The following FCN2 variants were observed in gnomAD, a reference collection of about 807,000 sequenced individuals.
FCN2 encodes the protein ficolin 2, also known as ficolin-2.
FCN2 carries 31 observed loss-of-function variants against 32.5 expected under a neutral mutation model. That is an observed-to-expected ratio of 0.96 (90% confidence interval 0.72 to 1.29). The LOEUF (loss-of-function observed/expected upper bound fraction) is 1.29, where lower values mean the gene tolerates loss of function less well. Ranked by LOEUF, FCN2 falls within the 50% of genes most tolerant of loss-of-function variation. FCN2 has a pLI of 0.00. For missense variants in FCN2, 412 were observed against 406.5 expected (o/e 1.01, Z -0.12); for synonymous variants, 181 against 164.5 (o/e 1.10, Z -0.77).
Position 134,887,475 on chromosome 9 carries a change from G to C in FCN2, c.*60G>C, listed in dbSNP as rs1344220080. 1.3e-6 allele frequency: 2 copies of C among 1,544,606 alleles called. No homozygotes were observed. Among genetic ancestry groups the C allele is most frequent in the African/African-American group, 1.4e-5 (1 of 73,314 alleles). The stretch of plus-strand genomic sequence containing the variant: ...CATAGTTGGTTGGGGGGTAGGGTTG[G>C]GAGCTTGGCCCTACGGTTTGTAAAA... On this transcript the variant is annotated 3_prime_UTR_variant, in exon 8 of 8. Coordinates refer to ENST00000291744, the MANE Select transcript of FCN2 (RefSeq NM_004108.3).
intron 1 of FCN2, 62 bp downstream of exon 1, chr9:134,880,983 G>A: frequency 8.0e-7 from 1 of 1,249,270 alleles, no homozygotes; most frequent in Non-Finnish European, 1.2e-6. Flanking sequence ...GCAGCTTCGT[G>A]ATTGGTGGCT....
Position 134,887,305 on chromosome 9 carries a change from C to T in FCN2, c.832C>T (p.Arg278Cys), listed in dbSNP as rs149454776. The T allele has an allele frequency of 2.5e-5, 40 of 1,614,134 alleles. No individual in the cohort carries two copies. Among genetic ancestry groups the T allele is most frequent in the Non-Finnish European group, 3.1e-5 (36 of 1,180,020 alleles). Reference sequence around the variant, plus strand: ...CTGCCATGTGTCAAACCTGAATGGTCGCTACCTCAGGGGGACTCATGGCAG... The same window carrying T: ...CTGCCATGTGTCAAACCTGAATGGTTGCTACCTCAGGGGGACTCATGGCAG... ...KNCHVSNLNGRYLRGTHGSFA... is the reference protein window; with the variant it reads ...KNCHVSNLNGCYLRGTHGSFA... The change falls in exon 8 of 8, where the codon CGC (arginine) becomes TGC (cysteine). Residue 278 changes from arginine (R) to cysteine (C), a missense_variant. Coordinates refer to ENST00000291744, the MANE Select transcript of FCN2 (RefSeq NM_004108.3).
chr9:134,877,999 T>G (rs982553500), upstream of FCN2, among the ~76,000 whole-genome samples: 1 of 152,102 alleles, frequency 6.6e-6, no homozygotes, highest in African/African-American at 2.4e-5. Context: ...TCATCAGCTG[T>G]CAGTGAATAA....
chr9:134,871,306 G>A, the FCN2 span, among the ~76,000 whole-genome samples: 1 of 152,206 alleles, frequency 6.6e-6, no homozygotes, highest in Non-Finnish European at 1.5e-5. Context: ...TCTGGGATCT[G>A]TGACTGCATC....
At chr9:134,878,038 A>C (rs867704530), upstream of FCN2, among the ~76,000 whole-genome samples, 2 of 152,186 alleles carry the variant, frequency 1.3e-5, no homozygotes, top group African/African-American at 4.8e-5. Context: ...TGAAAAAGCG[A>C]GATGGGCCTA....
chr9:134,885,719 G>C, intron 5 of FCN2, 49 bp from the exon 6 acceptor site: 1 of 1,613,190 alleles, frequency 6.2e-7, no homozygotes, highest in Non-Finnish European at 8.5e-7. Flanking sequence ...CCCGTGCTGT[G>C]GGACGTCGGC....
At chr9:134,873,857 T>G in the FCN2 span, among the ~76,000 whole-genome samples, 3 of 151,202 alleles carry the variant, frequency 2.0e-5, no homozygotes, top group Non-Finnish European at 4.4e-5. Flanking sequence ...GTCTTTTAAA[T>G]GGCAGAACTT....
chr9:134,886,376 A>C (rs1295324301), intron 6 of FCN2, 54 bp from the exon 7 acceptor site: 1 of 1,609,512 alleles, frequency 6.2e-7, no homozygotes, highest in Non-Finnish European at 8.5e-7. Context: ...CCCAGCTCCC[A>C]TGTCTAAAGG....
intron 6 of FCN2, 125 bp from the exon 7 acceptor site, chr9:134,886,305 G>A (rs1564208582): frequency 2.7e-6 from 3 of 1,131,810 alleles, no homozygotes; most frequent in South Asian, 2.5e-5. Flanking sequence ...GGGATGCTGC[G>A]GTGCTCTCCG....
the FCN2 span, among the ~76,000 whole-genome samples, chr9:134,870,475 T>C: frequency 0.43 from 66,016 of 151,978 alleles, 16,529 homozygotes; most frequent in African/African-American, 0.68. The surrounding 1 kb of genome is among the most constrained non-coding windows in gnomAD (Gnocchi z 4.3). Flanking sequence ...AGTTCAGCTG[T>C]GCCCCTCGGG....
intron 1 of FCN2, among the ~76,000 whole-genome samples, chr9:134,882,168 C>G (rs577302682): frequency 6.6e-6 from 1 of 152,328 alleles, no homozygotes; most frequent in African/African-American, 2.4e-5. Context: ...CTGCACCCCT[C>G]GGTAGGTAAG....
intron 3 of FCN2, among the ~76,000 whole-genome samples, chr9:134,883,836 G>A (rs1830703455): frequency 7.3e-6 from 1 of 136,848 alleles, no homozygotes; most frequent in Non-Finnish European, 1.6e-5. Flanking sequence ...GACTTTTAGT[G>A]TGGGGAGGGG....
At chr9:134,867,999 G>A in the FCN2 span, among the ~76,000 whole-genome samples, 10 of 152,140 alleles carry the variant, frequency 6.6e-5, no homozygotes, top group Non-Finnish European at 1.0e-4. Context: ...TCCCCACTTG[G>A]CAGCCCAGAG....
At position 134,884,751 on chromosome 9, in the gene FCN2, G is replaced by C. The variant is rs563654675; in HGVS notation, c.280G>C (p.Glu94Gln). The C allele has an allele frequency of 5.0e-6, 8 of 1,614,026 alleles. No individual in the cohort carries two copies. In the Admixed American group the frequency reaches 1.3e-4, roughly 27 times the overall value. Reference protein sequence around the residue: ...GPPGPNGAPGEPQPCLTGPRT... With the variant: ...GPPGPNGAPGQPQPCLTGPRT... The stretch of plus-strand genomic sequence containing the variant: ...TCATCCATGAACAGGAGCACCTGGG[G>C]AGCCCCAGCCGTGCCTGACAGGTGA... The change falls in exon 4 of 8, where the codon GAG (glutamate) becomes CAG (glutamine). Residue 94 changes from glutamate (E) to glutamine (Q), a missense_variant. Coordinates refer to ENST00000291744, the MANE Select transcript of FCN2 (RefSeq NM_004108.3).
chr9:134,867,362 T>C, the FCN2 span, among the ~76,000 whole-genome samples: 28 of 151,406 alleles, frequency 1.8e-4, no homozygotes, highest in African/African-American at 6.6e-4. Context: ...AAATTGGAAA[T>C]CATCATTCTC....
At chr9:134,879,585 C>T (rs1830635441), upstream of FCN2, among the ~76,000 whole-genome samples, 1 of 152,112 alleles carries the variant, frequency 6.6e-6, no homozygotes, top group South Asian at 2.1e-4. Flanking sequence ...TGTGTCTTCC[C>T]CAGGTTCATC....
At chr9:134,882,788 C>A in intron 2 of FCN2, 149 bp downstream of exon 2, 1 of 620,806 alleles carries the variant, frequency 1.6e-6, no homozygotes, top group East Asian at 2.7e-5. Context: ...CAGGGCCCAA[C>A]AGGGTTCTGA....
At chr9:134,885,465 G>A in intron 5 of FCN2, 99 bp downstream of exon 5, 1 of 1,534,116 alleles carries the variant, frequency 6.5e-7, no homozygotes, top group Admixed American at 1.9e-5. Flanking sequence ...CTATTCTCCT[G>A]GTCGGGGACA....
At chr9:134,880,555 G>A (rs1300715628), upstream of FCN2, among the ~76,000 whole-genome samples, 3 of 152,244 alleles carry the variant, frequency 2.0e-5, no homozygotes, top group Non-Finnish European at 4.4e-5. Flanking sequence ...GGATGGGCCT[G>A]GGCTCTTTGC....
Sources: gnomAD v4.1 joint callset for allele counts (sites outside exome capture counted in the v4.1 genomes callset) on GRCh38, gnomAD v4.1.1 for gene constraint, Gnocchi (gnomAD v3.1) non-coding constraint, MANE v1.5 for transcripts, NCBI Gene and HGNC (gene_info 2026-07-23, HGNC 2026-07-21) for gene names.